Variants in YWHAE observed in about 807,000 individuals in gnomAD.
The protein encoded by YWHAE is tyrosine 3-monooxygenase/tryptophan 5-monooxygenase activation protein epsilon.
In YWHAE, 4 loss-of-function variants were observed where a neutral mutation model predicts 30.1. The observed-to-expected ratio is 0.13, with a 90% CI of 0.07 to 0.30. The LOEUF (loss-of-function observed/expected upper bound fraction) is 0.30, where lower values mean the gene tolerates loss of function less well. YWHAE is among the 10% of genes least tolerant of loss of function. The probability of loss-of-function intolerance (pLI) is 1.00; values close to 1 mark genes in which losing one functional copy is unlikely to be tolerated. For synonymous variants in YWHAE, 118 were observed against 111.8 expected, an observed-to-expected ratio of 1.06 and a Z score of -0.35; for missense variants, 121 against 315.9, an observed-to-expected ratio of 0.38 and a Z score of 4.68.
chr17:1,353,864 A>G lies in YWHAE; in HGVS notation c.715+347T>C, dbSNP rs369752310. ...TCCCTTTTAGATAAAATATTTCAAC[A>G]AAGAGAAAAACTTCATAAATACCTA... is the stretch of plus-strand genomic sequence containing the variant. On this transcript the variant is annotated intron_variant, in intron 5 of 5. Coordinates refer to ENST00000264335, the MANE Select transcript of YWHAE (RefSeq NM_006761.5). Among the ~76,000 whole-genome samples, 14 of 152,282 alleles carry G rather than the reference A, an allele frequency of 9.2e-5. No homozygotes were observed. In the South Asian group the frequency reaches 2.9e-3, roughly 32 times the overall value.
At position 1,345,424 on chromosome 17, in the gene YWHAE, G is replaced by A; in HGVS notation, c.*23C>T. The A allele has an allele frequency of 1.2e-6, 2 of 1,613,358 alleles. No individual in the cohort carries two copies. The highest frequency in any genetic ancestry group is 2.2e-5 in the East Asian group (1 of 44,868). The stretch of plus-strand genomic sequence containing the variant: ...TGGGGAGGAGGGGGTGGTCAGAGAT[G>A]GTTTCTCTTGTTGGCTTATGTCTCA... On this transcript the variant is annotated 3_prime_UTR_variant, in exon 6 of 6. Coordinates refer to ENST00000264335, the MANE Select transcript of YWHAE (RefSeq NM_006761.5).
At chr17:1,374,686 T>G (rs1195902609) in intron 1 of YWHAE, among the ~76,000 whole-genome samples, 1 of 152,212 alleles carries the variant, frequency 6.6e-6, no homozygotes, top group Non-Finnish European at 1.5e-5. Flanking sequence ...ACTAATAGTG[T>G]TGAACACCTT....
chr17:1,357,529 G>C (rs1044055902), intron 4 of YWHAE, among the ~76,000 whole-genome samples: 1 of 151,746 alleles, frequency 6.6e-6, no homozygotes. Context: ...TCAGTGAGCT[G>C]AGATCACGCC....
chr17:1,381,910 CAAAAAAAAA>C (rs397754278), intron 1 of YWHAE, among the ~76,000 whole-genome samples: 3 of 43,928 alleles, frequency 6.8e-5, no homozygotes, highest in African/African-American at 2.1e-4. Context: ...GACACTATGT[CAAAAAAAAA>C]AAAAAAAAAA....
At chr17:1,383,031 G>GAA (rs112094150) in intron 1 of YWHAE, among the ~76,000 whole-genome samples, 32 of 118,998 alleles carry the variant, frequency 2.7e-4, no homozygotes, top group African/African-American at 7.2e-4. Context: ...TCTCAAGAAA[G>GAA]AAAAAAAAAA....
intron 1 of YWHAE, 37 bp downstream of exon 1, chr17:1,400,010 C>A: frequency 6.2e-7 from 1 of 1,612,816 alleles, no homozygotes; most frequent in South Asian, 1.1e-5. Flanking sequence ...GGCAGAGGGT[C>A]CGAGAATTCC....
At chr17:1,390,806 A>G (rs1016391837) in intron 1 of YWHAE, among the ~76,000 whole-genome samples, 1 of 152,186 alleles carries the variant, frequency 6.6e-6, no homozygotes. Flanking sequence ...AAGCCCACCA[A>G]CAACAGATCC....
At chr17:1,383,020 G>T (rs757353218) in intron 1 of YWHAE, among the ~76,000 whole-genome samples, 12 of 144,866 alleles carry the variant, frequency 8.3e-5, no homozygotes, top group Non-Finnish European at 1.8e-4. Flanking sequence ...GCAAGATTCC[G>T]TCTCAAGAAA....
rs191434604 is a variant in YWHAE, at chr17:1,370,582, C to T, written c.65-5524G>A. Among the ~76,000 whole-genome samples, 27 of 152,174 alleles carry T rather than the reference C, an allele frequency of 1.8e-4. No individual in the cohort carries two copies. In the East Asian group the frequency reaches 5.3e-3, roughly 30 times the overall value. ...AGTAGCTGAGACTACAAGTGGGCGCCACCACGCCCGGCTAACTTTTCTATT... is the reference window on the plus strand; with the variant it reads ...AGTAGCTGAGACTACAAGTGGGCGCTACCACGCCCGGCTAACTTTTCTATT... On this transcript the variant is annotated intron_variant, in intron 1 of 5. Transcript: ENST00000264335.
At chr17:1,357,818 C>T (rs6502174) in intron 4 of YWHAE, among the ~76,000 whole-genome samples, 111,210 of 151,260 alleles carry the variant, frequency 0.74, 42,232 homozygotes, top group African/African-American at 0.92. Flanking sequence ...TCCCAGCTAC[C>T]TGGGAGGCTG....
rs1246096572 is a variant in YWHAE, at chr17:1,359,812, T to TTTGTGTG, written c.578+1279_578+1280insCACACAA. ...CAATGTATTCGGTGCCACTAAATTG[T>TTTGTGTG]TGTGTGTGTGTGTGTGTGTGTGTGT... On this transcript the variant is annotated intron_variant, in intron 4 of 5. Coordinates refer to ENST00000264335, the MANE Select transcript of YWHAE (RefSeq NM_006761.5). 1.7e-3 allele frequency among the ~76,000 whole-genome samples: 217 copies of TTTGTGTG among 130,716 alleles called. 1 individual carries two copies. Among genetic ancestry groups the TTTGTGTG allele is most frequent in the East Asian group, 0.013 (55 of 4,206 alleles). The allele number at this position is 130,716 out of a possible 152,430, so 85.8% of individuals were successfully genotyped here.
At chr17:1,347,292 C>T (rs1159746938) in intron 5 of YWHAE, among the ~76,000 whole-genome samples, 1 of 151,286 alleles carries the variant, frequency 6.6e-6, no homozygotes, top group Non-Finnish European at 1.5e-5. Context: ...AAGATTCTGC[C>T]GCTGCACTCC....
intron 1 of YWHAE, among the ~76,000 whole-genome samples, chr17:1,388,455 G>T (rs1042575809): frequency 6.6e-6 from 1 of 151,636 alleles, no homozygotes; most frequent in Non-Finnish European, 1.5e-5. Flanking sequence ...GGTGGAGCTT[G>T]CAGTGAGCCA....
intron 1 of YWHAE, among the ~76,000 whole-genome samples, chr17:1,373,560 C>T (rs992230375): frequency 1.3e-5 from 2 of 151,510 alleles, no homozygotes; most frequent in Non-Finnish European, 2.9e-5. Context: ...CCCAGCTACT[C>T]GGGAGGCTGA....
chr17:1,346,926 G>A (rs1324389057), intron 5 of YWHAE, among the ~76,000 whole-genome samples: 1 of 151,014 alleles, frequency 6.6e-6, no homozygotes, highest in African/African-American at 2.4e-5. Flanking sequence ...AGGAGACGGA[G>A]GTTGCAGCGA....
intron 1 of YWHAE, among the ~76,000 whole-genome samples, chr17:1,379,630 T>C (rs2073175005): frequency 2.0e-5 from 3 of 152,220 alleles, no homozygotes; most frequent in Non-Finnish European, 4.4e-5. Flanking sequence ...TCTTAAATCA[T>C]ATTTTCTTAG....
intron 5 of YWHAE, among the ~76,000 whole-genome samples, chr17:1,353,884 T>C (rs2072683301): frequency 1.3e-5 from 2 of 152,182 alleles, no homozygotes; most frequent in South Asian, 4.1e-4. Context: ...ACTTCATAAA[T>C]ACCTACTGAT....
intron 1 of YWHAE, among the ~76,000 whole-genome samples, chr17:1,394,461 A>C (rs985050989): frequency 3.0e-4 from 39 of 130,618 alleles, no homozygotes; most frequent in Middle Eastern, 3.9e-3. Flanking sequence ...AAAAAAAAAA[A>C]CACAAAAATT....
At chr17:1,381,933 A>AAAAAAG (rs1491485583) in intron 1 of YWHAE, among the ~76,000 whole-genome samples, 25 of 144,222 alleles carry the variant, frequency 1.7e-4, no homozygotes, top group East Asian at 4.3e-4. Context: ...AAAAAAAAAA[A>AAAAAAG]GACAGGCAGA....
Sources: gnomAD v4.1 joint callset for allele counts (sites outside exome capture counted in the v4.1 genomes callset) on GRCh38, gnomAD v4.1.1 for gene constraint, MANE v1.5 for transcripts, NCBI Gene and HGNC (gene_info 2026-07-23, HGNC 2026-07-21) for gene names.